The following DYM variants were observed in gnomAD, a reference collection of about 807,000 sequenced individuals.
DYM encodes dymeclin.
Under a neutral mutation model 93.1 loss-of-function variants are expected in DYM, and 78 were observed. That is an observed-to-expected ratio of 0.84 (90% CI 0.70 to 1.01). The LOEUF (loss-of-function observed/expected upper bound fraction) is 1.01. DYM is among the 50% of genes least tolerant of loss of function. DYM has a pLI of 0.00. For missense variants in DYM, 789 were observed against 845.0 expected (o/e 0.93, Z 0.82); for synonymous variants, 321 against 319.7 (o/e 1.00, Z -0.04).
chr18:49,077,139 A>G (rs755926985), intron 17 of DYM, among the ~76,000 whole-genome samples: 24 of 152,228 alleles, frequency 1.6e-4, no homozygotes, highest in Non-Finnish European at 3.2e-4. Flanking sequence ...GATGATCACA[A>G]GATAAAATTT....
At chr18:49,459,945 T>C (rs1212175431) in intron 1 of DYM, among the ~76,000 whole-genome samples, 1 of 151,626 alleles carries the variant, frequency 6.6e-6, no homozygotes, top group Non-Finnish European at 1.5e-5. Context: ...AAAAATGCTC[T>C]GGAGTTAAGG....
chr18:49,157,976 A>G (rs749810238), intron 15 of DYM, among the ~76,000 whole-genome samples: 1 of 152,202 alleles, frequency 6.6e-6, no homozygotes, highest in Non-Finnish European at 1.5e-5. Context: ...CTGAACACCT[A>G]TTATACACCA....
At chr18:49,135,273 A>C (rs911372314) in intron 15 of DYM, among the ~76,000 whole-genome samples, 4 of 152,222 alleles carry the variant, frequency 2.6e-5, no homozygotes, top group Non-Finnish European at 4.4e-5. Flanking sequence ...TCATAGATTC[A>C]AATCAGGAGC....
intron 13 of DYM, among the ~76,000 whole-genome samples, chr18:49,214,174 C>A (rs2146206972): frequency 6.6e-6 from 1 of 152,276 alleles, no homozygotes; most frequent in South Asian, 2.1e-4. Context: ...CATTCTGAAG[C>A]CTGTTAGGAA....
intron 14 of DYM, among the ~76,000 whole-genome samples, chr18:49,201,024 T>C (rs777189880): frequency 3.3e-5 from 5 of 152,206 alleles, no homozygotes; most frequent in Non-Finnish European, 7.4e-5. Context: ...ATATCTTTAG[T>C]ATAACAAATT....
chr18:49,158,202 T>G (rs2086661436), intron 15 of DYM, among the ~76,000 whole-genome samples: 1 of 152,354 alleles, frequency 6.6e-6, no homozygotes, highest in Non-Finnish European at 1.5e-5. Context: ...CTTTCTCTTC[T>G]GACAACCCAC....
intron 14 of DYM, among the ~76,000 whole-genome samples, chr18:49,164,315 T>C (rs370136452): frequency 1.3e-5 from 2 of 152,010 alleles, no homozygotes; most frequent in South Asian, 2.1e-4. Context: ...GGACTAACTC[T>C]CCTGCTATCA....
At chr18:49,054,170 G>C (rs913904208) in intron 17 of DYM, among the ~76,000 whole-genome samples, 1 of 152,124 alleles carries the variant, frequency 6.6e-6, no homozygotes, top group Non-Finnish European at 1.5e-5. Context: ...GATAAGCACT[G>C]GTCTATGAAT....
At chr18:49,236,230 C>T (rs1348739182) in intron 13 of DYM, among the ~76,000 whole-genome samples, 1 of 152,130 alleles carries the variant, frequency 6.6e-6, no homozygotes, top group African/African-American at 2.4e-5. Context: ...CCTGTAATCC[C>T]AGCACCTTGA....
intron 2 of DYM, among the ~76,000 whole-genome samples, chr18:49,427,729 A>C (rs1311496111): frequency 6.6e-6 from 1 of 152,230 alleles, no homozygotes; most frequent in Admixed American, 6.5e-5. Context: ...ATGTCTATTA[A>C]TTTCTGAATG....
At chr18:49,294,682 GA>G (rs1346574047) in intron 8 of DYM, among the ~76,000 whole-genome samples, 1 of 152,098 alleles carries the variant, frequency 6.6e-6, no homozygotes, top group Non-Finnish European at 1.5e-5. Context: ...GAATGAAATA[GA>G]GGTAAGTTAC....
chr18:49,272,132 G>A, intron 11 of DYM, 46 bp downstream of exon 11: 2 of 1,576,698 alleles, frequency 1.3e-6, no homozygotes, highest in South Asian at 1.1e-5. Context: ...GTAGGGACAT[G>A]TCTGTTCTGT....
At chr18:49,068,509 A>G (rs1165068239) in intron 17 of DYM, among the ~76,000 whole-genome samples, 1 of 152,202 alleles carries the variant, frequency 6.6e-6, no homozygotes, top group Non-Finnish European at 1.5e-5. Context: ...CTCCTTAGAA[A>G]TGAAAGGAGC....
At chr18:49,350,194 A>T (rs1260983841) in intron 6 of DYM, among the ~76,000 whole-genome samples, 3 of 152,210 alleles carry the variant, frequency 2.0e-5, no homozygotes, top group African/African-American at 4.8e-5. Context: ...AAGTGAATTT[A>T]TGTACATGAA....
chr18:49,210,934 G>T (rs1448982150), intron 13 of DYM, among the ~76,000 whole-genome samples: 1 of 152,122 alleles, frequency 6.6e-6, no homozygotes, highest in South Asian at 2.1e-4. Context: ...CATAAAATAC[G>T]CCTTGGTAGA....
At chr18:49,352,905 C>T (rs1280732169) in intron 6 of DYM, among the ~76,000 whole-genome samples, 1 of 151,980 alleles carries the variant, frequency 6.6e-6, no homozygotes, top group Admixed American at 6.6e-5. Flanking sequence ...TTTCAATACT[C>T]TTTATTGAAA....
chr18:49,092,582 A>G (rs1187108172), intron 17 of DYM, among the ~76,000 whole-genome samples: 2 of 152,220 alleles, frequency 1.3e-5, no homozygotes, highest in African/African-American at 4.8e-5. Flanking sequence ...TGTTTCCCCA[A>G]CGTCCTAGCA....
chr18:49,450,736 G>A (rs1039763883), intron 1 of DYM, among the ~76,000 whole-genome samples: 4 of 152,140 alleles, frequency 2.6e-5, no homozygotes, highest in Non-Finnish European at 5.9e-5. Flanking sequence ...AAAATTGTAT[G>A]GGATTTCTAA....
intron 9 of DYM, among the ~76,000 whole-genome samples, chr18:49,283,394 G>A (rs1367888215): frequency 6.6e-6 from 1 of 151,416 alleles, no homozygotes; most frequent in Non-Finnish European, 1.5e-5. Context: ...AATCTCCAAT[G>A]CAAACCTAAT....
Sources: allele counts gnomAD v4.1 joint callset (sites outside exome capture counted in the v4.1 genomes callset), GRCh38; gene constraint gnomAD v4.1.1; transcripts MANE v1.5; gene names NCBI Gene and HGNC (gene_info 2026-07-23, HGNC 2026-07-21).